TBX1: variants seen among roughly 807,000 people sequenced by gnomAD.
The protein encoded by TBX1 is T-box transcription factor TBX1.
Under a neutral mutation model 40.8 loss-of-function variants are expected in TBX1, and 16 were observed. That is an observed-to-expected ratio of 0.39 (90% confidence interval 0.27 to 0.60). TBX1 has a LOEUF of 0.60. Ranked by LOEUF, TBX1 falls within the 20% of genes least tolerant of loss-of-function variation. The pLI, the probability that TBX1 is intolerant of heterozygous loss-of-function variation, is 0.51. For synonymous variants in TBX1, 403 were observed against 336.8 expected, an observed-to-expected ratio of 1.20 and a Z score of -2.15; for missense variants, 755 against 728.5, an observed-to-expected ratio of 1.04 and a Z score of -0.42.
At chr22:19,758,187 C>A (rs540322402), upstream of TBX1, among the ~76,000 whole-genome samples, 16 of 152,324 alleles carry the variant, frequency 1.1e-4, 1 homozygote, top group African/African-American at 3.4e-4. Flanking sequence ...ATCCTAAAAA[C>A]CCTGGGAGAG....
chr22:19,779,211 G>A (rs748603633), intron 8 of TBX1: 15 of 1,614,048 alleles, frequency 9.3e-6, no homozygotes, highest in Non-Finnish European at 1.3e-5. Flanking sequence ...GGATGGGGTT[G>A]TCACCCAGGT....
chr22:19,768,569 G>A (rs904379483), downstream of TBX1, among the ~76,000 whole-genome samples: 3 of 152,298 alleles, frequency 2.0e-5, no homozygotes, highest in African/African-American at 4.8e-5. Flanking sequence ...CCATTCCCAA[G>A]TCCTGATCCC....
chr22:19,764,979 A>G lies in TBX1; in HGVS notation c.733A>G (p.Arg245Gly). 1 of 1,614,192 alleles carries G rather than the reference A, an allele frequency of 6.2e-7. No individual in the cohort carries two copies. ...CCAGATTATTCTGAATTCCATGCACAGATACCAGCCCCGCTTCCACGTGGT... is the reference window on the plus strand; with the variant it reads ...CCAGATTATTCTGAATTCCATGCACGGATACCAGCCCCGCTTCCACGTGGT... ...NGHIILNSMHRYQPRFHVVYV... is the reference protein window; with the variant it reads ...NGHIILNSMHGYQPRFHVVYV... The change falls in exon 4 of 7, where the codon AGA becomes GGA. Residue 245 changes from arginine to glycine, a missense_variant. By Grantham distance (125) the Arg-to-Gly change is moderately radical (BLOSUM62 -2). Coordinates refer to ENST00000649276, the MANE Select transcript of TBX1 (RefSeq NM_001379200.1).
upstream of TBX1, chr22:19,759,625 G>A: frequency 1.2e-6 from 2 of 1,611,884 alleles, no homozygotes; most frequent in Non-Finnish European, 1.7e-6. Flanking sequence ...TTCGCTGGCT[G>A]CCAGGATCCC....
In TBX1 at chr22:19,766,591, G is replaced by T; in HGVS notation, c.1239G>T (p.Ala413=). The part of the protein sequence containing the change: ...SPPNPELRLE[A]PGASEPLHHH... ...CGAACCCCGAGCTGCGCCTGGAGGC[G>T]CCCGGCGCATCGGAGCCGCTGCACC... The change falls in exon 7 of 7, where the codon GCG becomes GCT. Residue 413 remains alanine, a synonymous_variant. Transcript: ENST00000649276. 2.0e-6 allele frequency: 3 copies of T among 1,479,716 alleles called. No individual in the cohort carries two copies. Among genetic ancestry groups the T allele is most frequent in the Admixed American group, 2.2e-5 (1 of 45,722 alleles). 91.7% of individuals were successfully genotyped at this position (1,479,716 alleles called of 1,614,324 possible). A position where few individuals can be genotyped will look rare whatever the true frequency, so the allele number is the denominator to read the frequency against.
chr22:19,780,887 A>C (rs113627588), downstream of TBX1, among the ~76,000 whole-genome samples: 1 of 144,482 alleles, frequency 6.9e-6, no homozygotes, highest in African/African-American at 2.6e-5. Context: ...GGTTCATGCC[A>C]TTCTCCTGCC....
At chr22:19,768,491 C>T (rs1936928173), downstream of TBX1, among the ~76,000 whole-genome samples, 1 of 152,210 alleles carries the variant, frequency 6.6e-6, no homozygotes, top group South Asian at 2.1e-4. Context: ...GTGAGGACCT[C>T]TGCAGCATCT....
chr22:19,775,492 C>A (rs1343298483), intron 8 of TBX1, among the ~76,000 whole-genome samples: 2 of 152,240 alleles, frequency 1.3e-5, no homozygotes, highest in African/African-American at 4.8e-5. Context: ...TTGACCAATT[C>A]CCTACCTGCC....
At chr22:19,764,372 G>A (rs1425590675) in intron 3 of TBX1, 46 bp downstream of exon 3, 2 of 1,595,760 alleles carry the variant, frequency 1.3e-6, no homozygotes, top group Non-Finnish European at 1.7e-6. Context: ...AAGGCCTCGA[G>A]TCCCGAGGCA....
At chr22:19,779,574 T>C (rs1311269700), downstream of TBX1, 9 of 1,446,536 alleles carry the variant, frequency 6.2e-6, no homozygotes, top group South Asian at 1.4e-5. Flanking sequence ...ACACTCCCAG[T>C]TGATAAATCA....
intron 1 of TBX1, 27 bp from the exon 2 acceptor site, chr22:19,763,214 G>A: frequency 1.9e-6 from 3 of 1,604,810 alleles, no homozygotes; most frequent in Non-Finnish European, 2.6e-6. Context: ...CACCAGCTAG[G>A]GTGACCCAAG....
chr22:19,767,395 C>T (rs1324739670), downstream of TBX1: 2 of 986,036 alleles, frequency 2.0e-6, no homozygotes, highest in Admixed American at 6.1e-5. Context: ...TTCGGGACAG[C>T]GAGCCCGGGG....
chr22:19,781,131 T>C (rs1407913233), downstream of TBX1, among the ~76,000 whole-genome samples: 1 of 152,196 alleles, frequency 6.6e-6, no homozygotes, highest in Non-Finnish European at 1.5e-5. Context: ...TGTAAGGCAG[T>C]ATCTGTCTCA....
chr22:19,764,514 G>A (rs1936770482), intron 3 of TBX1, among the ~76,000 whole-genome samples, 188 bp downstream of exon 3: 1 of 152,252 alleles, frequency 6.6e-6, no homozygotes, highest in Non-Finnish European at 1.5e-5. Flanking sequence ...GGGCAGTGCT[G>A]GTGTGCCGAT....
chr22:19,762,238 G>A (rs1936692358), intron 1 of TBX1, among the ~76,000 whole-genome samples: 1 of 152,340 alleles, frequency 6.6e-6, no homozygotes, highest in Non-Finnish European at 1.5e-5. Flanking sequence ...CCTTGTCGGC[G>A]CTGGGCTTCA....
At chr22:19,770,559 G>T (rs1373622080), downstream of TBX1, among the ~76,000 whole-genome samples, 1 of 152,242 alleles carries the variant, frequency 6.6e-6, no homozygotes. Context: ...AGTCTGTTTG[G>T]TGGCACCTTG....
chr22:19,766,862 A>G lies in TBX1; in HGVS notation c.1510A>G (p.Arg504Gly), dbSNP rs780998431. ...GCCCGGCTCCTACGACTATTGCCCC[A>G]GATAACACGGGCCCTGTCGCGCTCC... is the stretch of plus-strand genomic sequence containing the variant. Reference protein sequence around the residue: ...APPGSYDYCPR With the variant: ...APPGSYDYCPG Residue 504 changes from arginine (R) to glycine (G), a missense_variant, in exon 7 of 7, where the codon AGA (arginine) becomes GGA (glycine). Coordinates refer to ENST00000649276, the MANE Select transcript of TBX1 (RefSeq NM_001379200.1). 1 of 1,574,068 alleles carries G rather than the reference A, an allele frequency of 6.4e-7. No homozygotes were observed. Among genetic ancestry groups the G allele is most frequent in the Non-Finnish European group, 8.6e-7 (1 of 1,167,092 alleles).
In TBX1 at chr22:19,766,962, C is replaced by T. The variant is rs1936882893; in HGVS notation, c.*95C>T. On this transcript the variant is annotated 3_prime_UTR_variant, in exon 7 of 7. Transcript: ENST00000649276. ...CCCAAGGGCAAGCAAGGAATACGTT[C>T]CCCCAGCCCCAGGGGCCACCGCGGC... The T allele has an allele frequency of 4.7e-6, 7 of 1,498,828 alleles. No homozygotes were observed. In the South Asian group the frequency reaches 8.8e-5, roughly 19 times the overall value. The allele number at this position is 1,498,828 out of a possible 1,614,324, so 92.8% of individuals were successfully genotyped here.
intron 5 of TBX1, 21 bp from the exon 6 acceptor site, chr22:19,765,881 T>TG: frequency 6.4e-7 from 1 of 1,551,968 alleles, no homozygotes; most frequent in Non-Finnish European, 8.7e-7. Context: ...GGCGCCGCCC[T>TG]GATCCGCCTC....
Sources: allele counts gnomAD v4.1 joint callset (sites outside exome capture counted in the v4.1 genomes callset), GRCh38; gene constraint gnomAD v4.1.1; transcripts MANE v1.5; gene names NCBI Gene and HGNC (gene_info 2026-07-23, HGNC 2026-07-21).